RBM46: variants seen among roughly 807,000 people sequenced by gnomAD.
RBM46 encodes the protein RNA binding motif protein 46, also known as probable RNA-binding protein 46.
Under a neutral mutation model 43.3 loss-of-function variants are expected in RBM46, and 12 were observed. The observed-to-expected ratio is 0.28, with a 90% CI of 0.18 to 0.45. The LOEUF is 0.45. Among genes scored for constraint, RBM46 ranks in the 20% least tolerant of loss-of-function variants. The probability of loss-of-function intolerance (pLI) is 1.00; values close to 1 mark genes in which losing one functional copy is unlikely to be tolerated. For synonymous variants in RBM46, 205 were observed against 207.6 expected (o/e 0.99, Z 0.11); for missense variants, 412 against 639.1 (o/e 0.64, Z 3.83).
rs2111131972 is a variant in RBM46 at position 154,798,273 on chromosome 4, T to C, written c.614T>C (p.Ile205Thr). 1 of 1,566,438 alleles carries C rather than the reference T, an allele frequency of 6.4e-7. No homozygotes were observed. The highest frequency in any genetic ancestry group is 8.6e-7 in the Non-Finnish European group (1 of 1,160,254). ...RAAAMARRKL[I>T]PGTFQLWGHT... is the part of the protein sequence containing the mutation. ...GCTGCTATGGCAAGGAGGAAACTAA[T>C]TCCAGGTAAACTGAAAGGTTGTTTT... is the stretch of plus-strand genomic sequence containing the variant. Residue 205 changes from isoleucine to threonine, a missense_variant, in exon 3 of 5, where the codon ATT becomes ACT. Physicochemically the swap from Ile to Thr is moderately conservative, Grantham distance 89. Coordinates refer to ENST00000281722, the MANE Select transcript of RBM46 (RefSeq NM_144979.5).
At chr4:154,825,625 T>C (rs954964070) in intron 4 of RBM46, among the ~76,000 whole-genome samples, 1 of 152,232 alleles carries the variant, frequency 6.6e-6, no homozygotes, top group Non-Finnish European at 1.5e-5. Context: ...CTTGAAAATA[T>C]GCAGTACAAC....
rs1230229929 is a variant in RBM46 at position 154,828,294 on chromosome 4, A to G, written c.*227A>G. ...CAGTGGTTTCTCTTGATAAAGGTAC[A>G]GCAAACTACTATTCTTTTTAAACTT... On this transcript the variant is annotated 3_prime_UTR_variant, in exon 5 of 5. Transcript: ENST00000281722. 4.2e-5 allele frequency: 21 copies of G among 502,570 alleles called. No homozygotes were observed. Among genetic ancestry groups the G allele is most frequent in the Admixed American group, 7.2e-5 (2 of 27,912 alleles). The allele number at this position is 502,570 out of a possible 1,614,324, so 31.1% of individuals were successfully genotyped here.
At chr4:154,821,973 T>C (rs562126036) in intron 4 of RBM46, among the ~76,000 whole-genome samples, 25 of 151,970 alleles carry the variant, frequency 1.6e-4, no homozygotes, top group African/African-American at 4.8e-4. Context: ...TATTTGGCTA[T>C]AGGATGCTTG....
At chr4:154,804,101 C>T (rs1734787387) in intron 4 of RBM46, among the ~76,000 whole-genome samples, 1 of 152,170 alleles carries the variant, frequency 6.6e-6, no homozygotes. Flanking sequence ...TTGAGGCCTT[C>T]CCAGTAGCCT....
chr4:154,824,402 A>G (rs566726031), intron 4 of RBM46, among the ~76,000 whole-genome samples: 1 of 152,258 alleles, frequency 6.6e-6, no homozygotes, highest in East Asian at 1.9e-4. Context: ...TTTGTATAAA[A>G]GTGTTCATAG....
intron 4 of RBM46, among the ~76,000 whole-genome samples, chr4:154,806,239 T>C (rs1004624494): frequency 2.6e-5 from 4 of 151,854 alleles, no homozygotes; most frequent in Non-Finnish European, 5.9e-5. Flanking sequence ...ATATATATTA[T>C]GGAGTTAGTA....
At chr4:154,793,145 CTT>C (rs1489353704) in intron 1 of RBM46, among the ~76,000 whole-genome samples, 1 of 152,180 alleles carries the variant, frequency 6.6e-6, no homozygotes, top group Non-Finnish European at 1.5e-5. Context: ...TCTACTTGCT[CTT>C]TCTCACGTAT....
At chr4:154,789,977 A>G (rs1359489110) in intron 1 of RBM46, among the ~76,000 whole-genome samples, 2 of 152,172 alleles carry the variant, frequency 1.3e-5, no homozygotes, top group Non-Finnish European at 2.9e-5. Context: ...TGTTTATAGT[A>G]TTCTCTGATG....
chr4:154,792,988 G>A lies in RBM46; in HGVS notation c.-11-3754G>A, dbSNP rs141990460. 9.2e-5 allele frequency among the ~76,000 whole-genome samples: 14 copies of A among 152,274 alleles called. 1 individual carries two copies. The highest frequency in any genetic ancestry group is 2.4e-4 in the African/African-American group (10 of 41,574). ...AAAGTGAGAAGTAAGGGTTACTTGAGTCCTTATTCCTACTCACCAATGATA... is the reference window on the plus strand; with the variant it reads ...AAAGTGAGAAGTAAGGGTTACTTGAATCCTTATTCCTACTCACCAATGATA... On this transcript the variant is annotated intron_variant, in intron 1 of 4. Coordinates refer to ENST00000281722, the MANE Select transcript of RBM46 (RefSeq NM_144979.5).
intron 4 of RBM46, chr4:154,826,757 T>TTA: frequency 7.7e-7 from 1 of 1,299,196 alleles, no homozygotes; most frequent in Non-Finnish European, 1.0e-6. Context: ...TTTTTTTTTT[T>TTA]CCTGAACTAG....
intron 4 of RBM46, among the ~76,000 whole-genome samples, chr4:154,807,763 T>G (rs777076479): frequency 6.6e-6 from 1 of 151,924 alleles, no homozygotes; most frequent in Non-Finnish European, 1.5e-5. Flanking sequence ...CCCCAAATAA[T>G]TAGAAACTTT....
At chr4:154,788,015 A>C (rs924766350) in intron 1 of RBM46, among the ~76,000 whole-genome samples, 1 of 152,124 alleles carries the variant, frequency 6.6e-6, no homozygotes, top group Admixed American at 6.5e-5. Context: ...TCCTTCGCCT[A>C]CTTTTTGATA....
At position 154,798,196 on chromosome 4, in the gene RBM46, T is replaced by G. The variant is rs770287089; in HGVS notation, c.537T>G (p.Asp179Glu). ...TCATTGTTTATCCAAGTGCAACTGA[T>G]AAGACCAAAAATCGTGGTTTTGCAT... The part of the protein sequence containing the change: ...VDVIVYPSAT[D>E]KTKNRGFAFV... The change falls in exon 3 of 5, where the codon GAT (aspartate) becomes GAG (glutamate). Residue 179 changes from aspartate (D) to glutamate (E), a missense_variant. Asp to Glu is a conservative substitution (Grantham distance 45). Around this residue, in one of 8 missense-constraint regions of RBM46, gnomAD observed 48 missense variants for 78.9 expected, o/e 0.61. Transcript: ENST00000281722. 6.2e-7 allele frequency: 1 copy of G among 1,613,226 alleles called. No individual in the cohort carries two copies. Among genetic ancestry groups the G allele is most frequent in the South Asian group, 1.1e-5 (1 of 90,706 alleles).
Position 154,799,072 on chromosome 4 carries a change from A to G in RBM46, c.910A>G (p.Thr304Ala), listed in dbSNP as rs751517585. The G allele has an allele frequency of 5.6e-6, 9 of 1,614,006 alleles. No homozygotes were observed. The highest frequency in any genetic ancestry group is 1.3e-5 in the African/African-American group (1 of 74,890). The stretch of plus-strand genomic sequence containing the variant: ...CATTGATGGAGCAAGTATTGAGGTA[A>G]CACTAGCTAAACCAGTAAATAAAGA... ...KCIDGASIEVTLAKPVNKENT... is the reference protein window; with the variant it reads ...KCIDGASIEVALAKPVNKENT... Residue 304 changes from threonine (T) to alanine (A), a missense_variant, in exon 4 of 5, where the codon ACA becomes GCA. Physicochemically the swap from Thr to Ala is moderately conservative, Grantham distance 58. Around this residue, in one of 8 missense-constraint regions of RBM46, gnomAD observed 105 missense variants for 111.0 expected, o/e 0.95. Coordinates refer to ENST00000281722, the MANE Select transcript of RBM46 (RefSeq NM_144979.5).
chr4:154,800,204 C>A (rs1356085380), intron 4 of RBM46, among the ~76,000 whole-genome samples: 1 of 151,894 alleles, frequency 6.6e-6, no homozygotes, highest in Admixed American at 6.6e-5. Context: ...GTATAAGTTA[C>A]AAGATATGTT....
At chr4:154,825,612 C>T (rs1735920447) in intron 4 of RBM46, among the ~76,000 whole-genome samples, 1 of 152,110 alleles carries the variant, frequency 6.6e-6, no homozygotes, top group Non-Finnish European at 1.5e-5. Flanking sequence ...TTAATTTAGT[C>T]TCCTTGAAAA....
chr4:154,826,572 A>G (rs1291581378), intron 4 of RBM46, among the ~76,000 whole-genome samples: 1 of 152,200 alleles, frequency 6.6e-6, no homozygotes, highest in Non-Finnish European at 1.5e-5. Flanking sequence ...CATTTTCAAA[A>G]TAGTGAAAAT....
At chr4:154,801,312 G>T (rs1023788163) in intron 4 of RBM46, among the ~76,000 whole-genome samples, 29 of 152,104 alleles carry the variant, frequency 1.9e-4, no homozygotes, top group Admixed American at 1.8e-3. Flanking sequence ...TAAAGGTAAG[G>T]TTCTGCTTGA....
intron 4 of RBM46, among the ~76,000 whole-genome samples, chr4:154,824,604 T>C (rs960659706): frequency 6.6e-6 from 1 of 152,052 alleles, no homozygotes; most frequent in Non-Finnish European, 1.5e-5. Context: ...GGAACAATTA[T>C]ACCGAAACAA....
Sources: allele counts gnomAD v4.1 joint callset (sites outside exome capture counted in the v4.1 genomes callset), GRCh38; gene constraint gnomAD v4.1.1; regional missense constraint gnomAD v4.1.1; transcripts MANE v1.5; gene names NCBI Gene and HGNC (gene_info 2026-07-23, HGNC 2026-07-21).